The following ASS1 variants were observed in gnomAD, a reference collection of about 807,000 sequenced individuals.
ASS1 encodes the protein argininosuccinate synthase 1, also known as argininosuccinate synthase.
Under a neutral mutation model 60.5 loss-of-function variants are expected in ASS1, and 58 were observed. That is an observed-to-expected ratio of 0.96 (90% CI 0.78 to 1.19). The LOEUF (loss-of-function observed/expected upper bound fraction) is 1.19. Among genes scored for constraint, ASS1 ranks in the 50% most tolerant of loss-of-function variants. The pLI is 0.00. For missense variants in ASS1, 454 were observed against 547.3 expected, an observed-to-expected ratio of 0.83 and a Z score of 1.70; for synonymous variants, 200 against 206.9, an observed-to-expected ratio of 0.97 and a Z score of 0.29.
chr9:130,465,056 A>ATATATATATATTTTTTTTTTTTT (rs1479147331), intron 5 of ASS1, among the ~76,000 whole-genome samples: 1 of 120,146 alleles, frequency 8.3e-6, no homozygotes, highest in African/African-American at 3.6e-5. Flanking sequence ...ATATATATAT[A>ATATATATATATTTTTTTTTTTTT]TTTTTTTTTT....
In ASS1 at chr9:130,455,895, A is replaced by G. The variant is rs143784090; in HGVS notation, c.174+1522A>G. ...TGGATGCCCCAGTCCCAAGTCACCT[A>G]CTGGCCACAGGCCTGGAACTAGAAT... On this transcript the variant is annotated intron_variant, in intron 3 of 14. Transcript: ENST00000352480. 1.4e-4 allele frequency among the ~76,000 whole-genome samples: 22 copies of G among 152,350 alleles called. No individual in the cohort carries two copies. In the East Asian group the frequency reaches 4.2e-3, roughly 29 times the overall value.
chr9:130,471,044 A>G, intron 7 of ASS1, 140 bp downstream of exon 7: 3 of 959,732 alleles, frequency 3.1e-6, no homozygotes, highest in Non-Finnish European at 5.0e-6. Flanking sequence ...GGCAGGACAG[A>G]GGTCGAAGCG....
In ASS1 at chr9:130,486,581, G is replaced by A. The variant is rs550527663; in HGVS notation, c.839-2752G>A. 2.0e-5 allele frequency among the ~76,000 whole-genome samples: 3 copies of A among 152,294 alleles called. No individual in the cohort carries two copies. In the South Asian group the frequency reaches 6.2e-4, roughly 32 times the overall value. Reference sequence around the variant, plus strand: ...TCACGGTGAGGCCTGAGGAACTCCCGAGGGATTTGAGGGCTTGGATCTCTG... The same window carrying A: ...TCACGGTGAGGCCTGAGGAACTCCCAAGGGATTTGAGGGCTTGGATCTCTG... On this transcript the variant is annotated intron_variant, in intron 11 of 14. Transcript: ENST00000352480.
At position 130,499,533 on chromosome 9, in the gene ASS1, A is replaced by C. The variant is rs376164698; in HGVS notation, c.1156A>C (p.Thr386Pro). 3.7e-6 allele frequency: 6 copies of C among 1,613,794 alleles called. No homozygotes were observed. Among genetic ancestry groups the C allele is most frequent in the Non-Finnish European group, 5.1e-6 (6 of 1,179,950 alleles). The stretch of plus-strand genomic sequence containing the variant: ...GAACGTGCAGGGTGATTATGAGCCA[A>C]CTGATGCCACCGGGTTCATCAACAT... ...SMNVQGDYEPTDATGFININS... is the reference protein window; with the variant it reads ...SMNVQGDYEPPDATGFININS... Residue 386 changes from threonine to proline, a missense_variant, in exon 14 of 15, where the codon ACT (threonine) becomes CCT (proline). Thr to Pro is a conservative substitution (Grantham distance 38). Transcript: ENST00000352480.
In ASS1 at chr9:130,476,503, C is replaced by G. The variant is rs891862303; in HGVS notation, c.598-368C>G. 1 of 404,262 alleles carries G rather than the reference C, an allele frequency of 2.5e-6. No individual in the cohort carries two copies. Among genetic ancestry groups the G allele is most frequent in the Non-Finnish European group, 4.7e-6 (1 of 214,506 alleles). The allele number at this position is 404,262 out of a possible 1,614,324, so 25.0% of individuals were successfully genotyped here. A position where few individuals can be genotyped will look rare whatever the true frequency, so the allele number is the denominator to read the frequency against. ...TGCAGAATAAACCCCAATCCCGAGC[C>G]GGCGAGAGCGTGCGTGCCGCTCCTG... is the stretch of plus-strand genomic sequence containing the variant. On this transcript the variant is annotated intron_variant, in intron 8 of 14. Coordinates refer to ENST00000352480, the MANE Select transcript of ASS1 (RefSeq NM_054012.4). The surrounding 1 kb of genome is among the most constrained non-coding windows in gnomAD (Gnocchi z 4.9).
At chr9:130,472,929 C>G (rs993629058) in intron 8 of ASS1, among the ~76,000 whole-genome samples, 1 of 152,166 alleles carries the variant, frequency 6.6e-6, no homozygotes, top group African/African-American at 2.4e-5. Flanking sequence ...GAGGCCCCCC[C>G]AGAATAGAGG....
chr9:130,450,472 C>A, intron 1 of ASS1: 2 of 442,814 alleles, frequency 4.5e-6, no homozygotes, highest in Non-Finnish European at 6.0e-6. Context: ...ACCAGCAACT[C>A]AGGGGCAGGG....
intron 13 of ASS1, among the ~76,000 whole-genome samples, chr9:130,497,916 G>A (rs139444828): frequency 1.0e-3 from 154 of 152,334 alleles, no homozygotes; most frequent in Non-Finnish European, 1.9e-3. Context: ...AGAAAGGGGT[G>A]GCCAGCAAAA....
At position 130,489,494 on chromosome 9, in the gene ASS1, A is replaced by T; in HGVS notation, c.970+30A>T. 1.2e-6 allele frequency: 2 copies of T among 1,613,694 alleles called. No homozygotes were observed. The highest frequency in any genetic ancestry group is 3.3e-5 in the Admixed American group (2 of 59,988). ...GTAAGACTCTATGGCTGCCCCCTCT[A>T]ACCGCCTCACAAGGGATCCCAAAGT... On this transcript the variant is annotated intron_variant, in intron 12 of 14. Coordinates refer to ENST00000352480, the MANE Select transcript of ASS1 (RefSeq NM_054012.4). This position sits in a 1 kb window ranked among gnomAD's most constrained non-coding sequence, Gnocchi z 4.1.
intron 2 of ASS1, 112 bp from the exon 3 acceptor site, chr9:130,454,193 A>G: frequency 9.2e-7 from 1 of 1,092,342 alleles, no homozygotes; most frequent in Non-Finnish European, 1.4e-6. Flanking sequence ...TGACTTGGCC[A>G]TGGAATGGAA....
intron 11 of ASS1, among the ~76,000 whole-genome samples, chr9:130,483,715 G>A (rs576094743): frequency 4.2e-5 from 6 of 142,358 alleles, no homozygotes; most frequent in South Asian, 4.3e-4. Flanking sequence ...AGCCCTGCCC[G>A]TCTCACCTCT....
chr9:130,463,881 C>T (rs1381021958), intron 4 of ASS1, among the ~76,000 whole-genome samples: 1 of 151,782 alleles, frequency 6.6e-6, no homozygotes. Context: ...GTCCTGCACC[C>T]ACCCACGTGA....
In ASS1 at chr9:130,469,217, G is replaced by A. The variant is rs1054128480; in HGVS notation, c.496-1617G>A. On this transcript the variant is annotated intron_variant, in intron 6 of 14. Coordinates refer to ENST00000352480, the MANE Select transcript of ASS1 (RefSeq NM_054012.4). The stretch of plus-strand genomic sequence containing the variant: ...AGAGTCCAGTCTTGCCTTGCACAGG[G>A]TCCGGGTACCCATGCCTGGCCAAGG... 3.3e-5 allele frequency among the ~76,000 whole-genome samples: 5 copies of A among 152,340 alleles called. No individual in the cohort carries two copies. In the East Asian group the frequency reaches 9.7e-4, roughly 29 times the overall value.
intron 3 of ASS1, among the ~76,000 whole-genome samples, chr9:130,457,766 G>A (rs777432953): frequency 2.0e-5 from 3 of 152,146 alleles, no homozygotes; most frequent in Non-Finnish European, 4.4e-5. Context: ...ACCGTCTCTG[G>A]TTGGGAACTA....
chr9:130,495,422 A>AT (rs1423666417), intron 13 of ASS1, among the ~76,000 whole-genome samples: 3 of 150,528 alleles, frequency 2.0e-5, no homozygotes, highest in Non-Finnish European at 4.4e-5. Flanking sequence ...GTCTCAAAAA[A>AT]ATATATATAC....
At chr9:130,447,724 G>A (rs971500298) in intron 1 of ASS1, among the ~76,000 whole-genome samples, 1 of 152,214 alleles carries the variant, frequency 6.6e-6, no homozygotes, top group African/African-American at 2.4e-5. Context: ...TGCCTGCCAG[G>A]CGCAGCTCCC....
upstream of ASS1, chr9:130,444,923 C>G (rs1845159867): frequency 6.5e-6 from 1 of 153,132 alleles, no homozygotes; most frequent in Non-Finnish European, 1.5e-5. The surrounding 1 kb of genome is among the most constrained non-coding windows in gnomAD (Gnocchi z 4.7). Flanking sequence ...TGCCCCCGGG[C>G]CCTGTGCTTA....
chr9:130,479,839 C>T (rs369261343), intron 10 of ASS1, 39 bp downstream of exon 10: 176 of 1,587,404 alleles, frequency 1.1e-4, no homozygotes, highest in Admixed American at 6.3e-4. Context: ...TTGGGAACCG[C>T]CGTCTCGGGC....
At chr9:130,475,353 T>A (rs995634170) in intron 8 of ASS1, among the ~76,000 whole-genome samples, 1 of 152,136 alleles carries the variant, frequency 6.6e-6, no homozygotes, top group Non-Finnish European at 1.5e-5. Flanking sequence ...AATTAAAAAA[T>A]ATATATATAC....
Sources: allele counts gnomAD v4.1 joint callset (sites outside exome capture counted in the v4.1 genomes callset), GRCh38; gene constraint gnomAD v4.1.1; non-coding constraint Gnocchi (gnomAD v3.1); transcripts MANE v1.5; gene names NCBI Gene and HGNC (gene_info 2026-07-23, HGNC 2026-07-21).